Variants in NOL4 observed in about 807,000 individuals in gnomAD.
The protein encoded by NOL4 is nucleolar protein 4, also known as cancer/testis antigen 125.
A neutral mutation model predicts 75.9 loss-of-function variants in NOL4; 17 were observed. The observed-to-expected ratio is 0.22, with a 90% confidence interval of 0.15 to 0.34. The LOEUF (loss-of-function observed/expected upper bound fraction) is 0.34, where lower values mean the gene tolerates loss of function less well. Among genes scored for constraint, NOL4 ranks in the 10% least tolerant of loss-of-function variants. The pLI, the probability that NOL4 is intolerant of heterozygous loss-of-function variation, is 1.00. For missense variants in NOL4, 614 were observed against 793.5 expected (o/e 0.77, Z 2.72); for synonymous variants, 292 against 289.9 (o/e 1.01, Z -0.07).
chr18:34,153,448 A>G (rs1220896726), intron 1 of NOL4, among the ~76,000 whole-genome samples: 1 of 151,988 alleles, frequency 6.6e-6, no homozygotes, highest in Non-Finnish European at 1.5e-5. Flanking sequence ...ACTGCTAAAC[A>G]CTTTACAAGT....
At chr18:34,175,444 A>G (rs1358674243) in intron 1 of NOL4, among the ~76,000 whole-genome samples, 2 of 152,170 alleles carry the variant, frequency 1.3e-5, no homozygotes, top group Non-Finnish European at 2.9e-5. Context: ...CTAGCGAATG[A>G]AAAAATCCAT....
intron 4 of NOL4, among the ~76,000 whole-genome samples, chr18:34,094,615 C>T (rs796783512): frequency 2.6e-5 from 4 of 152,308 alleles, no homozygotes; most frequent in African/African-American, 9.6e-5. Context: ...TATACTTATA[C>T]AGGCTGGAAG....
At chr18:34,153,268 T>C (rs1418151127) in intron 1 of NOL4, among the ~76,000 whole-genome samples, 2 of 151,896 alleles carry the variant, frequency 1.3e-5, no homozygotes, top group African/African-American at 4.8e-5. Flanking sequence ...AACAAATCTC[T>C]AGAAGGCTCG....
intron 5 of NOL4, among the ~76,000 whole-genome samples, chr18:34,092,313 TAGCTA>T (rs1424375522): frequency 1.3e-5 from 2 of 152,154 alleles, no homozygotes; most frequent in Non-Finnish European, 2.9e-5. Context: ...TCTACTACAA[TAGCTA>T]TTATAGCACG....
chr18:34,124,310 G>C (rs1028079067), intron 2 of NOL4, among the ~76,000 whole-genome samples: 1 of 152,142 alleles, frequency 6.6e-6, no homozygotes, highest in Non-Finnish European at 1.5e-5. Flanking sequence ...GTAAAAAGAA[G>C]TGAAAGAGAC....
intron 5 of NOL4, among the ~76,000 whole-genome samples, chr18:34,039,906 G>T (rs182723644): frequency 7.0e-4 from 107 of 151,956 alleles, no homozygotes; most frequent in African/African-American, 2.5e-3. Flanking sequence ...TCAATAAATT[G>T]CATGAGATAC....
chr18:33,880,647 G>C (rs535825524), intron 10 of NOL4, among the ~76,000 whole-genome samples: 6 of 152,052 alleles, frequency 3.9e-5, no homozygotes, highest in African/African-American at 1.4e-4. Context: ...GTTTCATTTT[G>C]TATGTTCTTA....
intron 9 of NOL4, among the ~76,000 whole-genome samples, chr18:33,902,172 G>T (rs1018626678): frequency 2.0e-5 from 3 of 151,844 alleles, no homozygotes. Context: ...TTTTAAAAGG[G>T]AATTATTTAT....
chr18:34,063,301 C>G (rs546870551), intron 5 of NOL4, among the ~76,000 whole-genome samples: 15 of 152,124 alleles, frequency 9.9e-5, no homozygotes, highest in Non-Finnish European at 1.8e-4. Context: ...CACAAGTACT[C>G]CCTTATAGGA....
intron 1 of NOL4, among the ~76,000 whole-genome samples, chr18:34,182,899 G>C (rs978408783): frequency 1.3e-5 from 2 of 151,512 alleles, no homozygotes; most frequent in Non-Finnish European, 3.0e-5. Context: ...TTCACACTTT[G>C]TTAACTCAAA....
chr18:34,088,913 T>C (rs1383775904), intron 5 of NOL4, among the ~76,000 whole-genome samples: 1 of 152,064 alleles, frequency 6.6e-6, no homozygotes, highest in Non-Finnish European at 1.5e-5. Flanking sequence ...TATTACAAAT[T>C]CTTCATTCAG....
chr18:33,872,316 C>T (rs969435105), intron 10 of NOL4, among the ~76,000 whole-genome samples: 2 of 151,918 alleles, frequency 1.3e-5, no homozygotes, highest in African/African-American at 4.8e-5. Context: ...GTTTTCAATG[C>T]CTACATTATA....
intron 1 of NOL4, among the ~76,000 whole-genome samples, chr18:34,188,267 G>GA (rs1332750125): frequency 6.6e-6 from 1 of 152,116 alleles, no homozygotes; most frequent in Admixed American, 6.6e-5. Context: ...AGAATTCAAG[G>GA]AGATATGCCT....
chr18:33,905,558 A>C (rs888528237), intron 9 of NOL4, among the ~76,000 whole-genome samples: 8 of 152,126 alleles, frequency 5.3e-5, no homozygotes, highest in African/African-American at 1.9e-4. Flanking sequence ...TATGTTTGGC[A>C]ACCCAAGTAG....
chr18:34,133,744 C>T (rs1030849630), intron 1 of NOL4, among the ~76,000 whole-genome samples: 2 of 152,112 alleles, frequency 1.3e-5, no homozygotes, highest in Non-Finnish European at 2.9e-5. Context: ...AGAAAGTTGG[C>T]CGGGCTCAGT....
At chr18:34,179,640 CA>C (rs1419790506) in intron 1 of NOL4, among the ~76,000 whole-genome samples, 2 of 151,378 alleles carry the variant, frequency 1.3e-5, no homozygotes, top group Admixed American at 1.3e-4. Flanking sequence ...AGAAAGACCC[CA>C]ACTAACAAAA....
At chr18:33,982,768 TA>T (rs2072075228) in intron 6 of NOL4, among the ~76,000 whole-genome samples, 2 of 147,510 alleles carry the variant, frequency 1.4e-5, no homozygotes, top group African/African-American at 5.1e-5. Context: ...TTTTTTTTTT[TA>T]GACAGAGTTT....
chr18:34,119,363 C>T (rs925930908), intron 2 of NOL4, among the ~76,000 whole-genome samples: 2 of 152,192 alleles, frequency 1.3e-5, no homozygotes, highest in Non-Finnish European at 1.5e-5. Flanking sequence ...CCCAAATCCC[C>T]ATACTCCCTG....
chr18:33,887,819 T>C (rs1183177182), intron 9 of NOL4, among the ~76,000 whole-genome samples: 2 of 152,200 alleles, frequency 1.3e-5, no homozygotes, highest in Non-Finnish European at 2.9e-5. Context: ...CAGTCTATCA[T>C]TGATGGACAT....
Sources: allele counts gnomAD v4.1 joint callset (sites outside exome capture counted in the v4.1 genomes callset), GRCh38; gene constraint gnomAD v4.1.1; transcripts MANE v1.5; gene names NCBI Gene and HGNC (gene_info 2026-07-23, HGNC 2026-07-21).